The following UGT3A1 variants were observed in gnomAD, a reference collection of about 807,000 sequenced individuals.
UGT3A1 encodes the protein UDP-glycosyltransferase 3A1.
UGT3A1 carries 40 observed loss-of-function variants against 37.6 expected under a neutral mutation model. The ratio of observed to expected loss-of-function variants is 1.06; its 90% CI spans 0.83 to 1.38. The LOEUF (loss-of-function observed/expected upper bound fraction) is 1.38. Ranked by LOEUF, UGT3A1 falls within the 40% of genes most tolerant of loss-of-function variation. The probability of loss-of-function intolerance (pLI) is 0.00; values close to 1 mark genes in which losing one functional copy is unlikely to be tolerated. For synonymous variants in UGT3A1, 256 were observed against 232.3 expected, an observed-to-expected ratio of 1.10 and a Z score of -0.93; for missense variants, 642 against 634.2, an observed-to-expected ratio of 1.01 and a Z score of -0.13.
At chr5:35,972,177 G>T (rs189926379) in intron 2 of UGT3A1, among the ~76,000 whole-genome samples, 1 of 152,278 alleles carries the variant, frequency 6.6e-6, no homozygotes, top group African/African-American at 2.4e-5. Flanking sequence ...TTGGCTAGGA[G>T]AGAGTACACG....
rs141152117 is a variant in UGT3A1 at position 35,998,421 on chromosome 5, A to G, written c.-159-1092T>C. ...TACCCCCTTACCATTTTTGTGCTGC[A>G]TTCTCTGGATACCCTTCTAAACTGT... On this transcript the variant is annotated intron_variant, in intron 1 of 5. Transcript: ENST00000625798. Among the ~76,000 whole-genome samples the G allele has an allele frequency of 1.9e-3, 290 of 152,344 alleles. 1 individual carries two copies. The highest frequency in any genetic ancestry group is 6.7e-3 in the African/African-American group (279 of 41,590).
In UGT3A1 at chr5:35,952,183, T is replaced by C. The variant is rs1049867727; in HGVS notation, c.*2019A>G. 1.3e-5 allele frequency: 2 copies of C among 152,138 alleles called. No homozygotes were observed. Among genetic ancestry groups the C allele is most frequent in the African/African-American group, 4.8e-5 (2 of 41,418 alleles). 9.4% of individuals were successfully genotyped at this position (152,138 alleles called of 1,614,324 possible). ...GTTTCTCATTCCAGCAAGAATAGGA[T>C]GGTATTTCTGAGAGAAGGAAGGGCA... On this transcript the variant is annotated 3_prime_UTR_variant, in exon 7 of 7. Transcript: ENST00000274278.
intron 1 of UGT3A1, among the ~76,000 whole-genome samples, 190 bp from the exon 2 acceptor site, chr5:35,988,741 C>A (rs1740825076): frequency 6.6e-6 from 1 of 152,118 alleles, no homozygotes; most frequent in African/African-American, 2.4e-5. Context: ...GTACATGCAC[C>A]CAAAGCCTTC....
At chr5:35,958,980 T>C (rs544281392) in intron 4 of UGT3A1, among the ~76,000 whole-genome samples, 7 of 152,358 alleles carry the variant, frequency 4.6e-5, no homozygotes, top group Non-Finnish European at 1.0e-4. Flanking sequence ...TAAGGGATAC[T>C]GCAGACCTAT....
In UGT3A1 at chr5:35,990,937, G is replaced by A. The variant is rs11746242; in HGVS notation, c.94+210C>T. 9.5e-4 allele frequency: 1,373 copies of A among 1,439,540 alleles called. 16 individuals carry two copies. The African/African-American group carries it at 0.018, about 19-fold the overall frequency. 89.2% of individuals were successfully genotyped at this position (1,439,540 alleles called of 1,614,324 possible). On this transcript the variant is annotated intron_variant, in intron 1 of 6. Transcript: ENST00000274278. ...ACAAGAAGAGAGAAGAAAGGAGAGT[G>A]TCTTTTCTCAAAAACTGTCTTCCTC...
chr5:35,988,439 A>T lies in UGT3A1; in HGVS notation c.196+11T>A, dbSNP rs758533402. On this transcript the variant is annotated intron_variant, in intron 2 of 6. Transcript: ENST00000274278. ...TAAAAGAATATAAAAATTAGTTTTT[A>T]AAAAAGATACCTGGGATCAAAAACT... 6.3e-7 allele frequency: 1 copy of T among 1,578,854 alleles called. No individual in the cohort carries two copies. Among genetic ancestry groups the T allele is most frequent in the Admixed American group, 1.9e-5 (1 of 52,650 alleles).
chr5:35,957,502 A>G lies in UGT3A1; in HGVS notation c.844-83T>C. ...TGAAATGAAACCCAGTCTATTTACT[A>G]AACATACCCTCCCATCAGTGCCTTG... On this transcript the variant is annotated intron_variant, in intron 4 of 6. Coordinates refer to ENST00000274278, the MANE Select transcript of UGT3A1 (RefSeq NM_152404.4). 4.5e-6 allele frequency: 5 copies of G among 1,111,944 alleles called. No homozygotes were observed. The East Asian group carries it at 1.3e-4, about 28-fold the overall frequency. The allele number at this position is 1,111,944 out of a possible 1,614,324, so 68.9% of individuals were successfully genotyped here. A position where few individuals can be genotyped will look rare whatever the true frequency, so the allele number is the denominator to read the frequency against.
chr5:35,957,734 G>T (rs1449916178), intron 4 of UGT3A1, among the ~76,000 whole-genome samples: 2 of 152,138 alleles, frequency 1.3e-5, no homozygotes, highest in African/African-American at 2.4e-5. Context: ...CACAGAAAAC[G>T]CTTTGATGAG....
intron 1 of UGT3A1, among the ~76,000 whole-genome samples, chr5:35,988,866 A>T (rs192018057): frequency 1.1e-3 from 174 of 152,306 alleles, no homozygotes; most frequent in African/African-American, 4.0e-3. Flanking sequence ...AAAGTTGCTC[A>T]TCTTAAGGTA....
chr5:35,990,829 G>A lies in UGT3A1; in HGVS notation c.94+318C>T, dbSNP rs563202196. The A allele has an allele frequency of 1.4e-5, 13 of 899,912 alleles. No homozygotes were observed. In the Admixed American group the frequency reaches 4.8e-4, roughly 33 times the overall value. The allele number at this position is 899,912 out of a possible 1,614,324, so 55.7% of individuals were successfully genotyped here. On this transcript the variant is annotated intron_variant, in intron 1 of 6. Transcript: ENST00000274278. ...CCTCTGAAAGTCCCACTGCGCTCTA[G>A]AGAAGGCAGCCCAGGAACTCAAGCT...
At chr5:35,954,626 C>G in intron 6 of UGT3A1, 148 bp from the exon 7 acceptor site, 1 of 973,166 alleles carries the variant, frequency 1.0e-6, no homozygotes, top group South Asian at 1.7e-5. Flanking sequence ...GTTGGCATGG[C>G]CTTGCCACGG....
chr5:35,971,463 TACACACACAC>T (rs76860183), intron 2 of UGT3A1, among the ~76,000 whole-genome samples: 76 of 147,892 alleles, frequency 5.1e-4, no homozygotes, highest in Non-Finnish European at 3.3e-4. Context: ...GACACACGCA[TACACACACAC>T]ACACACACAC....
upstream of UGT3A1, among the ~76,000 whole-genome samples, chr5:35,994,872 A>T (rs1424031340): frequency 6.6e-6 from 1 of 152,206 alleles, no homozygotes; most frequent in Non-Finnish European, 1.5e-5. Flanking sequence ...GTATTGTGGC[A>T]AATAGTCATG....
upstream of UGT3A1, among the ~76,000 whole-genome samples, chr5:35,992,259 T>G (rs1190284295): frequency 6.6e-6 from 1 of 152,206 alleles, no homozygotes; most frequent in East Asian, 1.9e-4. Context: ...TTTAAAGCAT[T>G]ACATTTGTGC....
chr5:35,960,044 A>C (rs1739515505), intron 4 of UGT3A1, among the ~76,000 whole-genome samples: 1 of 152,214 alleles, frequency 6.6e-6, no homozygotes, highest in Non-Finnish European at 1.5e-5. Context: ...GTAGACACAC[A>C]CACAAAAATG....
At chr5:35,987,650 G>T (rs952603337) in intron 2 of UGT3A1, among the ~76,000 whole-genome samples, 3 of 152,096 alleles carry the variant, frequency 2.0e-5, no homozygotes, top group Admixed American at 2.0e-4. Context: ...CATTAACAAG[G>T]CCTGAAGTTT....
At chr5:35,983,868 A>T (rs1740628200) in intron 2 of UGT3A1, among the ~76,000 whole-genome samples, 1 of 152,198 alleles carries the variant, frequency 6.6e-6, no homozygotes, top group Non-Finnish European at 1.5e-5. Context: ...TTTAAAAAAA[A>T]ACCCTCAACA....
chr5:35,957,076 T>C, intron 5 of UGT3A1, 112 bp downstream of exon 5: 5 of 807,076 alleles, frequency 6.2e-6, no homozygotes, highest in Non-Finnish European at 1.0e-5. Flanking sequence ...TACCTTTACC[T>C]ATGAGTAGCT....
At chr5:35,965,335 C>A (rs1298651816) in intron 4 of UGT3A1, 51 bp downstream of exon 4, 7 of 1,565,962 alleles carry the variant, frequency 4.5e-6, no homozygotes, top group Non-Finnish European at 5.2e-6. Context: ...ACCAACTATG[C>A]ACCCAAGGAC....
Sources: gnomAD v4.1 joint callset for allele counts (sites outside exome capture counted in the v4.1 genomes callset) on GRCh38, gnomAD v4.1.1 for gene constraint, MANE v1.5 for transcripts, NCBI Gene and HGNC (gene_info 2026-07-23, HGNC 2026-07-21) for gene names.